Variants in SYT16 observed in about 807,000 individuals in gnomAD.
SYT16 encodes synaptotagmin 16.
Under a neutral mutation model 61.4 loss-of-function variants are expected in SYT16, and 42 were observed. The observed-to-expected ratio is 0.68, with a 90% CI of 0.53 to 0.89. SYT16 has a LOEUF of 0.89. SYT16 is among the 40% of genes least tolerant of loss of function. SYT16 has a pLI of 0.00. For synonymous variants in SYT16, 314 were observed against 302.3 expected (o/e 1.04, Z -0.40); for missense variants, 804 against 807.3 (o/e 1.00, Z 0.05).
chr14:61,876,904 G>A (rs1323087401), intron 1 of SYT16, among the ~76,000 whole-genome samples: 1 of 152,192 alleles, frequency 6.6e-6, no homozygotes, highest in Non-Finnish European at 1.5e-5. Context: ...AATATCTTGT[G>A]CTTCAGCTAC....
At position 61,996,373 on chromosome 14, in the gene SYT16, C is replaced by A. The variant is rs897781206; in HGVS notation, c.354C>A (p.Ser118=). ...GCCAACATGCAAAGGACTCATGTTC[C>A]ACAATGTCCCAGTGGCCCAATTGGG... ...SLSQHAKDSC[S]TMSQWPNWAS... Residue 118 remains serine (S), a synonymous_variant, in exon 3 of 8, where the codon TCC becomes TCA. Transcript: ENST00000683842. 1.7e-5 allele frequency: 27 copies of A among 1,613,436 alleles called. No homozygotes were observed. Among genetic ancestry groups the A allele is most frequent in the Non-Finnish European group, 2.3e-5 (27 of 1,179,618 alleles).
At chr14:61,880,154 A>G (rs2047647514) in intron 1 of SYT16, among the ~76,000 whole-genome samples, 1 of 152,256 alleles carries the variant, frequency 6.6e-6, no homozygotes, top group South Asian at 2.1e-4. Flanking sequence ...CTGGGCATGC[A>G]TCCTCATTTG....
chr14:61,849,024 G>A (rs1310943971), intron 1 of SYT16, among the ~76,000 whole-genome samples: 1 of 152,154 alleles, frequency 6.6e-6, no homozygotes, highest in Non-Finnish European at 1.5e-5. Flanking sequence ...TAGTCAATAG[G>A]TGATGAATCC....
intron 3 of SYT16, among the ~76,000 whole-genome samples, chr14:62,011,902 C>CACAT (rs1444688244): frequency 2.5e-5 from 3 of 120,414 alleles, no homozygotes; most frequent in Non-Finnish European, 4.8e-5. Context: ...CACACACACA[C>CACAT]ACATATATAT....
rs780123881 is a variant in SYT16 at position 62,080,894 on chromosome 14, G to C, written c.1054G>C (p.Gly352Arg). ...GGTCTCAGAGCCCATCTCAAAGTGTGGTGACCTAGATGTCATCTTTGAATA... is the reference window on the plus strand; with the variant it reads ...GGTCTCAGAGCCCATCTCAAAGTGTCGTGACCTAGATGTCATCTTTGAATA... ...SGVSEPISKC[G>R]DLDVIFEYRA... The change falls in exon 6 of 8, where the codon GGT (glycine) becomes CGT (arginine). Residue 352 changes from glycine to arginine, a missense_variant. By Grantham distance (125) the Gly-to-Arg change is moderately radical. Transcript: ENST00000683842. The C allele has an allele frequency of 6.2e-7, 1 of 1,604,822 alleles. No individual in the cohort carries two copies. Among genetic ancestry groups the C allele is most frequent in the South Asian group, 1.1e-5 (1 of 89,108 alleles).
At chr14:61,891,868 G>A (rs1476641165) in intron 1 of SYT16, among the ~76,000 whole-genome samples, 1 of 152,182 alleles carries the variant, frequency 6.6e-6, no homozygotes, top group Admixed American at 6.5e-5. Context: ...ATGTGTCCAT[G>A]TTTTGACACA....
chr14:61,955,920 G>A (rs948051384), intron 1 of SYT16, among the ~76,000 whole-genome samples: 1 of 151,938 alleles, frequency 6.6e-6, no homozygotes, highest in African/African-American at 2.4e-5. Flanking sequence ...CTGTAAAAGG[G>A]TTCCCTTTTC....
chr14:61,995,328 C>T (rs1483428355), intron 2 of SYT16, among the ~76,000 whole-genome samples: 2 of 151,972 alleles, frequency 1.3e-5, no homozygotes, highest in African/African-American at 2.4e-5. Flanking sequence ...CATTTGCCAC[C>T]CTCAGTTTTT....
chr14:61,888,736 C>T (rs149385652), intron 1 of SYT16, among the ~76,000 whole-genome samples: 7 of 146,660 alleles, frequency 4.8e-5, no homozygotes, highest in Non-Finnish European at 8.9e-5. Flanking sequence ...GATACACTTG[C>T]GCAATGCAGG....
intron 4 of SYT16, 97 bp from the exon 5 acceptor site, chr14:62,075,038 G>T: frequency 7.4e-7 from 1 of 1,353,716 alleles, no homozygotes. Context: ...TTCTGTTTCT[G>T]CAATCTTGAT....
At chr14:61,935,631 T>C (rs2049952042) in intron 1 of SYT16, among the ~76,000 whole-genome samples, 1 of 152,114 alleles carries the variant, frequency 6.6e-6, no homozygotes, top group South Asian at 2.1e-4. Flanking sequence ...CACGTGGCAG[T>C]TTCCCTTCAA....
At chr14:61,867,163 T>A (rs1487017320) in intron 1 of SYT16, among the ~76,000 whole-genome samples, 1 of 152,094 alleles carries the variant, frequency 6.6e-6, no homozygotes, top group African/African-American at 2.4e-5. Context: ...TTATATATAA[T>A]AAGTGTTGAA....
At chr14:61,861,051 A>G (rs900091517) in intron 1 of SYT16, among the ~76,000 whole-genome samples, 1 of 152,204 alleles carries the variant, frequency 6.6e-6, no homozygotes, top group Admixed American at 6.5e-5. Context: ...TGGAGTTGGA[A>G]TGTAGGACCA....
intron 1 of SYT16, chr14:61,832,167 G>A (rs990180180): frequency 1.6e-5 from 11 of 688,718 alleles, no homozygotes; most frequent in Non-Finnish European, 2.8e-5. Flanking sequence ...GCTCCAGGAG[G>A]CCTTCTCCTT....
intron 3 of SYT16, among the ~76,000 whole-genome samples, chr14:62,016,417 G>A (rs1383740411): frequency 6.6e-6 from 1 of 152,030 alleles, no homozygotes; most frequent in Non-Finnish European, 1.5e-5. Flanking sequence ...GCATTGGCCG[G>A]GTGTGGTGGC....
intron 1 of SYT16, among the ~76,000 whole-genome samples, chr14:61,843,732 C>T (rs1315075574): frequency 2.0e-5 from 3 of 152,060 alleles, no homozygotes; most frequent in Non-Finnish European, 4.4e-5. Context: ...TGGATTGTTT[C>T]TGGGTTCTCT....
intron 1 of SYT16, among the ~76,000 whole-genome samples, chr14:61,877,734 G>T (rs2047549548): frequency 6.6e-6 from 1 of 152,180 alleles, no homozygotes; most frequent in Admixed American, 6.5e-5. Context: ...TGTACTCAGG[G>T]TCACATGATT....
intron 1 of SYT16, among the ~76,000 whole-genome samples, chr14:61,954,748 G>A (rs1254092619): frequency 1.3e-5 from 2 of 151,974 alleles, no homozygotes; most frequent in African/African-American, 4.8e-5. Context: ...TGCCACCTTG[G>A]CTTACACTGA....
At chr14:61,918,680 C>T (rs1215826322) in intron 1 of SYT16, among the ~76,000 whole-genome samples, 1 of 151,888 alleles carries the variant, frequency 6.6e-6, no homozygotes, top group Non-Finnish European at 1.5e-5. Context: ...ATTAATATAA[C>T]ATTCTCAAAG....
Sources: gnomAD v4.1 joint callset for allele counts (sites outside exome capture counted in the v4.1 genomes callset) on GRCh38, gnomAD v4.1.1 for gene constraint, MANE v1.5 for transcripts, NCBI Gene and HGNC (gene_info 2026-07-23, HGNC 2026-07-21) for gene names.